MSL2: variants seen among roughly 807,000 people sequenced by gnomAD.
The protein encoded by MSL2 is E3 ubiquitin-protein ligase MSL2.
A neutral mutation model predicts 35.8 loss-of-function variants in MSL2; 2 were observed. The observed-to-expected ratio is 0.06, with a 90% CI of 0.02 to 0.18. The LOEUF (loss-of-function observed/expected upper bound fraction) is 0.18, where lower values mean the gene tolerates loss of function less well. Ranked by LOEUF, MSL2 falls within the 10% of genes least tolerant of loss-of-function variation. MSL2 has a pLI of 1.00. For missense variants in MSL2, 523 were observed against 706.7 expected, an observed-to-expected ratio of 0.74 and a Z score of 2.95; for synonymous variants, 296 against 255.7, an observed-to-expected ratio of 1.16 and a Z score of -1.50.
intron 1 of MSL2, among the ~76,000 whole-genome samples, chr3:136,191,868 G>A (rs1018749758): frequency 6.6e-6 from 1 of 152,180 alleles, no homozygotes. Context: ...TTGGCAAAAA[G>A]TTAAAGCAAT....
chr3:136,189,520 C>G (rs546878582), intron 1 of MSL2, among the ~76,000 whole-genome samples: 2 of 149,136 alleles, frequency 1.3e-5, no homozygotes, highest in South Asian at 2.2e-4. Context: ...GTCAGGAGAT[C>G]GAGACCATCC....
At chr3:136,188,950 T>C (rs1426371417) in intron 1 of MSL2, among the ~76,000 whole-genome samples, 1 of 151,544 alleles carries the variant, frequency 6.6e-6, no homozygotes, top group Non-Finnish European at 1.5e-5. Flanking sequence ...CTGGTAACAA[T>C]GCATTTAGGG....
intron 1 of MSL2, among the ~76,000 whole-genome samples, chr3:136,157,224 G>A (rs992190789): frequency 1.1e-4 from 17 of 151,922 alleles, no homozygotes; most frequent in Admixed American, 3.9e-4. Flanking sequence ...TCAGGAAGGC[G>A]GGCCGATCAC....
intron 1 of MSL2, among the ~76,000 whole-genome samples, chr3:136,175,397 T>A (rs1196329315): frequency 6.6e-6 from 1 of 150,964 alleles, no homozygotes; most frequent in African/African-American, 2.4e-5. Context: ...GTCAAAAGTC[T>A]GAGATAGGCC....
At chr3:136,188,228 G>A (rs1019236483) in intron 1 of MSL2, among the ~76,000 whole-genome samples, 2 of 152,108 alleles carry the variant, frequency 1.3e-5, no homozygotes, top group African/African-American at 4.8e-5. Context: ...AAGGTACAGA[G>A]ATCGAGACCA....
intron 1 of MSL2, among the ~76,000 whole-genome samples, chr3:136,171,645 G>A (rs867927835): frequency 6.6e-6 from 1 of 152,158 alleles, no homozygotes; most frequent in Non-Finnish European, 1.5e-5. Context: ...CAAATTTTGA[G>A]TAAAACAATG....
chr3:136,170,502 T>G (rs531740538), intron 1 of MSL2, among the ~76,000 whole-genome samples: 196 of 143,972 alleles, frequency 1.4e-3, no homozygotes, highest in South Asian at 5.6e-3. Context: ...GAAAAAAAAC[T>G]CTGTCCTTTT....
chr3:136,161,465 A>G (rs1395577305), intron 1 of MSL2, among the ~76,000 whole-genome samples: 1 of 152,252 alleles, frequency 6.6e-6, no homozygotes, highest in African/African-American at 2.4e-5. Flanking sequence ...GACACAATCC[A>G]AATGTCCATT....
rs927578601 is a variant in MSL2, at chr3:136,195,830, G to A, written c.-717C>T. The A allele has an allele frequency of 6.1e-6, 6 of 984,900 alleles. No individual in the cohort carries two copies. Among genetic ancestry groups the A allele is most frequent in the Non-Finnish European group, 7.2e-6 (6 of 829,754 alleles). The allele number at this position is 984,900 out of a possible 1,614,324, so 61.0% of individuals were successfully genotyped here. A position where few individuals can be genotyped will look rare whatever the true frequency, so the allele number is the denominator to read the frequency against. ...CGGGAGTCCTCAACCCGGAGGGGAA[G>A]GCCGGGGAGGAAGTGCGCGGGCCGC... On this transcript the variant is annotated 5_prime_UTR_variant, in exon 1 of 2. Coordinates refer to ENST00000309993, the MANE Select transcript of MSL2 (RefSeq NM_018133.4).
At chr3:136,158,299 C>T (rs1357956911) in intron 1 of MSL2, among the ~76,000 whole-genome samples, 6 of 149,718 alleles carry the variant, frequency 4.0e-5, no homozygotes, top group Non-Finnish European at 1.5e-5. Flanking sequence ...GCAACTAAAT[C>T]ATCTCAAAAA....
At chr3:136,184,288 T>G (rs1255056850) in intron 1 of MSL2, among the ~76,000 whole-genome samples, 1 of 150,558 alleles carries the variant, frequency 6.6e-6, no homozygotes, top group South Asian at 2.1e-4. Context: ...AGAGTGAGAC[T>G]CCGTCTGAAA....
chr3:136,194,840 A>G (rs914361062), intron 1 of MSL2, 132 bp downstream of exon 1: 20 of 1,397,672 alleles, frequency 1.4e-5, no homozygotes, highest in Non-Finnish European at 2.0e-5. Flanking sequence ...TTCAAAACTA[A>G]TGACCGTACA....
At chr3:136,182,627 C>T (rs1486651170) in intron 1 of MSL2, among the ~76,000 whole-genome samples, 1 of 151,226 alleles carries the variant, frequency 6.6e-6, no homozygotes, top group South Asian at 2.1e-4. Context: ...CTTGTCAGAG[C>T]GAAGCACAGA....
intron 1 of MSL2, among the ~76,000 whole-genome samples, chr3:136,165,788 TAGAA>T (rs1391904439): frequency 1.1e-4 from 16 of 151,914 alleles, no homozygotes; most frequent in African/African-American, 1.2e-4. Flanking sequence ...ACAAAAGAAA[TAGAA>T]AGAATGAATA....
At chr3:136,152,815 T>TA in intron 1 of MSL2, 77 bp from the exon 2 acceptor site, 1 of 1,523,216 alleles carries the variant, frequency 6.6e-7, no homozygotes, top group Non-Finnish European at 8.8e-7. Context: ...TTAGATGACA[T>TA]AAGTAGTCTA....
At chr3:136,192,987 A>G (rs1559975754) in intron 1 of MSL2, among the ~76,000 whole-genome samples, 5 of 152,182 alleles carry the variant, frequency 3.3e-5, no homozygotes, top group Admixed American at 3.3e-4. Context: ...CATCCCTATT[A>G]CTGAAACCAT....
intron 1 of MSL2, among the ~76,000 whole-genome samples, chr3:136,189,161 A>G (rs1940612091): frequency 7.0e-6 from 1 of 143,840 alleles, no homozygotes. Flanking sequence ...TAAGGCGAGC[A>G]TGGTACCGCA....
chr3:136,195,820 C>T lies in MSL2; in HGVS notation c.-707G>A, dbSNP rs371044189. On this transcript the variant is annotated 5_prime_UTR_variant, in exon 1 of 2. Transcript: ENST00000309993. ...GCGAGGCGGGCGGGAGTCCTCAACCCGGAGGGGAAGGCCGGGGAGGAAGTG... is the reference window on the plus strand; with the variant it reads ...GCGAGGCGGGCGGGAGTCCTCAACCTGGAGGGGAAGGCCGGGGAGGAAGTG... The T allele has an allele frequency of 3.6e-4, 357 of 984,832 alleles. 4 individuals carry two copies. The South Asian group carries it at 0.013, about 37-fold the overall frequency. 61.0% of individuals were successfully genotyped at this position (984,832 alleles called of 1,614,324 possible).
rs1940824725 is a variant in MSL2 at position 136,195,728 on chromosome 3, G to A, written c.-615C>T. On this transcript the variant is annotated 5_prime_UTR_variant, in exon 1 of 2. Transcript: ENST00000309993. ...CGCCGCCGCCGCGCTCTCCATATCG[G>A]ACGCGGGGCCCAGACTGCGCCCTGG... 1 of 984,710 alleles carries A rather than the reference G, an allele frequency of 1.0e-6. No individual in the cohort carries two copies. The highest frequency in any genetic ancestry group is 1.8e-5 in the African/African-American group (1 of 57,022). The allele number at this position is 984,710 out of a possible 1,614,324, so 61.0% of individuals were successfully genotyped here. A position where few individuals can be genotyped will look rare whatever the true frequency, so the allele number is the denominator to read the frequency against.
Sources: gnomAD v4.1 joint callset for allele counts (sites outside exome capture counted in the v4.1 genomes callset) on GRCh38, gnomAD v4.1.1 for gene constraint, MANE v1.5 for transcripts, NCBI Gene and HGNC (gene_info 2026-07-23, HGNC 2026-07-21) for gene names.